Variants in WDR43 observed in about 807,000 individuals in gnomAD.
WDR43 encodes WD repeat-containing protein 43.
A neutral mutation model predicts 91.4 loss-of-function variants in WDR43; 13 were observed. The ratio of observed to expected loss-of-function variants is 0.14; its 90% CI spans 0.09 to 0.23. The LOEUF (loss-of-function observed/expected upper bound fraction) is 0.23. Among genes scored for constraint, WDR43 ranks in the 10% least tolerant of loss-of-function variants. WDR43 has a pLI of 1.00. For missense variants in WDR43, 780 were observed against 809.4 expected (o/e 0.96, Z 0.44); for synonymous variants, 331 against 287.9 (o/e 1.15, Z -1.51).
chr2:28,916,096 T>C (rs924428562), intron 5 of WDR43, among the ~76,000 whole-genome samples: 3 of 152,202 alleles, frequency 2.0e-5, no homozygotes, highest in East Asian at 1.9e-4. Flanking sequence ...AACATACATA[T>C]ACATTGTGAA....
At chr2:28,895,788 A>T (rs1670468880) in intron 1 of WDR43, 1 of 152,200 alleles carries the variant, frequency 6.6e-6, no homozygotes, top group African/African-American at 2.4e-5. Context: ...CTCAGCATGC[A>T]CGTGGTTATT....
chr2:28,942,184 A>G, intron 15 of WDR43, 128 bp from the exon 16 acceptor site: 1 of 791,900 alleles, frequency 1.3e-6, no homozygotes, highest in Non-Finnish European at 2.1e-6. Context: ...TATTGTATGA[A>G]GGTCCTCCAT....
chr2:28,935,473 T>C, intron 11 of WDR43, 48 bp from the exon 12 acceptor site: 1 of 1,347,374 alleles, frequency 7.4e-7, no homozygotes, highest in Non-Finnish European at 1.0e-6. Context: ...TGTGATGTCC[T>C]TGGTTTGTCA....
rs563530506 is a variant in WDR43 at position 28,904,011 on chromosome 2, G to A, written c.363+1887G>A. ...GTAGAGATGGGGTTTTGTCATGTTG[G>A]CCATGCTGGTGTCGAACTCCTGGCC... On this transcript the variant is annotated intron_variant, in intron 2 of 17. Transcript: ENST00000407426. Among the ~76,000 whole-genome samples, 13 of 152,174 alleles carry A rather than the reference G, an allele frequency of 8.5e-5. No individual in the cohort carries two copies. In the South Asian group the frequency reaches 2.7e-3, roughly 32 times the overall value.
At chr2:28,901,047 G>C (rs1045525440) in intron 1 of WDR43, among the ~76,000 whole-genome samples, 2 of 152,172 alleles carry the variant, frequency 1.3e-5, no homozygotes, top group East Asian at 1.9e-4. Flanking sequence ...TGGGCTGTGT[G>C]CATGCCCATG....
At chr2:28,914,009 C>G (rs1282461796) in intron 4 of WDR43, 60 bp from the exon 5 acceptor site, 1 of 1,588,300 alleles carries the variant, frequency 6.3e-7, no homozygotes, top group East Asian at 2.2e-5. Flanking sequence ...ATAATATATA[C>G]TATTAATTTT....
chr2:28,913,678 C>A, intron 4 of WDR43: 1 of 522,316 alleles, frequency 1.9e-6, no homozygotes, highest in Non-Finnish European at 3.8e-6. Flanking sequence ...TGTGATGATG[C>A]CTTAATATTG....
intron 9 of WDR43, 141 bp from the exon 10 acceptor site, chr2:28,927,423 TTAAAA>T: frequency 9.8e-7 from 1 of 1,025,266 alleles, no homozygotes. Flanking sequence ...AACATTCAAT[TTAAAA>T]TATATCTTAA....
At chr2:28,937,042 C>G (rs1230112188) in intron 13 of WDR43, 89 bp downstream of exon 13, 14 of 1,290,166 alleles carry the variant, frequency 1.1e-5, no homozygotes, top group Non-Finnish European at 1.2e-5. Flanking sequence ...TAATAAAACT[C>G]TTTCAGTGTC....
intron 5 of WDR43, among the ~76,000 whole-genome samples, chr2:28,917,601 G>A (rs1670937590): frequency 6.6e-6 from 1 of 152,154 alleles, no homozygotes; most frequent in South Asian, 2.1e-4. Flanking sequence ...TGACAGTGTG[G>A]TATTAGTGTC....
chr2:28,941,168 T>G (rs540100417), intron 14 of WDR43, among the ~76,000 whole-genome samples: 372 of 152,340 alleles, frequency 2.4e-3, no homozygotes, highest in Admixed American at 4.4e-3. Context: ...GATATTGGCC[T>G]TATCTGAAAT....
intron 6 of WDR43, among the ~76,000 whole-genome samples, chr2:28,922,480 A>G (rs1446533852): frequency 1.3e-5 from 2 of 152,184 alleles, no homozygotes; most frequent in African/African-American, 2.4e-5. Flanking sequence ...AACCCTTTCT[A>G]GGTGGTAGGG....
intron 1 of WDR43, among the ~76,000 whole-genome samples, chr2:28,896,314 G>A (rs1457481703): frequency 2.0e-5 from 3 of 152,114 alleles, no homozygotes; most frequent in Non-Finnish European, 1.5e-5. Flanking sequence ...TGCCCCTCTG[G>A]TTCCTCATTT....
intron 8 of WDR43, 51 bp from the exon 9 acceptor site, chr2:28,926,416 CT>C (rs144139892): frequency 2.2e-3 from 2,610 of 1,210,402 alleles, no homozygotes; most frequent in South Asian, 4.0e-3. Context: ...GTTTGACACT[CT>C]TTTTTTTTTC....
In WDR43 at chr2:28,917,926, AG is replaced by A; in HGVS notation, c.781del (p.Val261Ter). The A allele has an allele frequency of 6.3e-7, 1 of 1,586,768 alleles. No individual in the cohort carries two copies. Among genetic ancestry groups the A allele is most frequent in the Non-Finnish European group, 8.6e-7 (1 of 1,165,526 alleles). The part of the protein sequence containing the change: ...VRSENKEKSA[V>X]MSFTVTDEPV... ...GATCAGAAAACAAAGAAAAGAGTGC[AG>A]TGATGTCATTTACAGTTACCGATGA... On this transcript the variant is annotated frameshift_variant, in exon 6 of 18. Transcript: ENST00000407426. LOFTEE classifies it high-confidence loss of function.
chr2:28,903,868 G>A (rs752545560), intron 2 of WDR43, among the ~76,000 whole-genome samples: 1 of 152,024 alleles, frequency 6.6e-6, no homozygotes, highest in African/African-American at 2.4e-5. Flanking sequence ...GCAGTAGTGC[G>A]GTCTCAGCTC....
Position 28,934,283 on chromosome 2 carries a change from G to C in WDR43, c.1438-1238G>C, listed in dbSNP as rs576907818. 3.3e-5 allele frequency among the ~76,000 whole-genome samples: 5 copies of C among 152,244 alleles called. No individual in the cohort carries two copies. The South Asian group carries it at 1.0e-3, about 32-fold the overall frequency. ...CTGCCTGGGAATCGGGGTGGAAGGA[G>C]GGATACATTTAAAGGGACCCAAGGA... On this transcript the variant is annotated intron_variant, in intron 11 of 17. Transcript: ENST00000407426.
chr2:28,905,668 T>C (rs1037794121), intron 2 of WDR43, among the ~76,000 whole-genome samples: 3 of 149,864 alleles, frequency 2.0e-5, no homozygotes, highest in Non-Finnish European at 4.5e-5. Context: ...TTCTTCTCTT[T>C]TTTTTTTTTT....
chr2:28,895,281 A>T, intron 1 of WDR43: 1 of 213,840 alleles, frequency 4.7e-6, no homozygotes, highest in Non-Finnish European at 9.2e-6. Flanking sequence ...GGTTTTTGAC[A>T]GAGCCCCATC....
Sources: gnomAD v4.1 joint callset for allele counts (sites outside exome capture counted in the v4.1 genomes callset) on GRCh38, gnomAD v4.1.1 for gene constraint, MANE v1.5 for transcripts, NCBI Gene and HGNC (gene_info 2026-07-23, HGNC 2026-07-21) for gene names.